The following CACNB4 variants were observed in gnomAD, a reference collection of about 807,000 sequenced individuals.
CACNB4 encodes the protein calcium voltage-gated channel auxiliary subunit beta 4.
In CACNB4, 32 loss-of-function variants were observed where a neutral mutation model predicts 71.2. That is an observed-to-expected ratio of 0.45 (90% confidence interval 0.34 to 0.60). The LOEUF (loss-of-function observed/expected upper bound fraction) is 0.60, where lower values mean the gene tolerates loss of function less well. CACNB4 is among the 20% of genes least tolerant of loss of function. CACNB4 has a pLI of 0.01. For missense variants in CACNB4, 464 were observed against 647.9 expected (o/e 0.72, Z 3.08); for synonymous variants, 231 against 236.9 (o/e 0.97, Z 0.23).
chr2:151,996,434 G>A (rs1238700216), intron 2 of CACNB4, among the ~76,000 whole-genome samples: 3 of 149,794 alleles, frequency 2.0e-5, no homozygotes, highest in African/African-American at 7.4e-5. Context: ...CTGTGATCAC[G>A]CTGCTGCACT....
intron 2 of CACNB4, among the ~76,000 whole-genome samples, chr2:152,023,768 C>T (rs1253657177): frequency 2.6e-5 from 4 of 152,192 alleles, no homozygotes; most frequent in African/African-American, 4.8e-5. Flanking sequence ...TCTGGACTTA[C>T]ATTTTAAATA....
intron 12 of CACNB4, among the ~76,000 whole-genome samples, chr2:151,849,970 C>T (rs78205442): frequency 0.011 from 1,718 of 152,214 alleles, 18 homozygotes; most frequent in Admixed American, 0.02. Context: ...TGCTTTCCTG[C>T]TCGAGAGCAG....
At chr2:151,863,057 GTT>G (rs113313070) in intron 9 of CACNB4, among the ~76,000 whole-genome samples, 1 of 145,350 alleles carries the variant, frequency 6.9e-6, no homozygotes, top group East Asian at 2.0e-4. Flanking sequence ...GGTTTGTGTG[GTT>G]TTTTTTTTTT....
intron 2 of CACNB4, among the ~76,000 whole-genome samples, chr2:151,890,735 C>T (rs1260917593): frequency 6.6e-6 from 1 of 152,098 alleles, no homozygotes; most frequent in African/African-American, 2.4e-5. Context: ...TTTTAAAATG[C>T]CAGTCTGAGA....
intron 5 of CACNB4, 73 bp from the exon 6 acceptor site, chr2:151,872,566 T>A (rs2099844910): frequency 4.9e-6 from 4 of 809,430 alleles, no homozygotes. Context: ...GTACAAAGCT[T>A]TCTTTGGCCC....
chr2:152,004,994 T>C (rs1406827344), intron 2 of CACNB4, among the ~76,000 whole-genome samples: 2 of 152,168 alleles, frequency 1.3e-5, no homozygotes, highest in South Asian at 2.1e-4. Context: ...CCAGTCAGAA[T>C]TGCTATTATT....
chr2:151,909,167 C>T (rs553116264), intron 2 of CACNB4, among the ~76,000 whole-genome samples: 6 of 149,554 alleles, frequency 4.0e-5, no homozygotes, highest in African/African-American at 1.5e-4. Flanking sequence ...CAGTGGCTCA[C>T]GCCTGTATTC....
chr2:151,970,364 G>A (rs914304492), intron 2 of CACNB4: 1 of 152,110 alleles, frequency 6.6e-6, no homozygotes, highest in African/African-American at 2.4e-5. Context: ...GTAGGTTTTT[G>A]GTAACTTTCT....
intron 2 of CACNB4, among the ~76,000 whole-genome samples, chr2:151,885,088 A>G (rs2099849024): frequency 1.3e-5 from 2 of 152,226 alleles, no homozygotes; most frequent in African/African-American, 4.8e-5. Flanking sequence ...TAGCAAGGGT[A>G]GCATAGATTT....
chr2:151,980,262 C>T (rs957813088), intron 2 of CACNB4, among the ~76,000 whole-genome samples: 4 of 152,050 alleles, frequency 2.6e-5, no homozygotes, highest in African/African-American at 9.7e-5. Flanking sequence ...ATCGAAAAAC[C>T]CAAATCCTTA....
rs1560199657 is a variant in CACNB4 at position 152,098,428 on chromosome 2, C to A, written c.64-15G>T. 1.9e-6 allele frequency: 3 copies of A among 1,605,812 alleles called. No individual in the cohort carries two copies. On this transcript the variant is annotated splice_polypyrimidine_tract_variant and intron_variant, in intron 1 of 13. Transcript: ENST00000539935. This position sits in a 1 kb window ranked among gnomAD's most constrained non-coding sequence, Gnocchi z 5.3. ...CCTCGGGCCACCTGGACTCGACACA[C>A]GGGGGCCAGAGAGAAGCCGGTGAGG...
chr2:151,929,010 C>G (rs901508715), intron 2 of CACNB4, among the ~76,000 whole-genome samples: 1 of 152,078 alleles, frequency 6.6e-6, no homozygotes, highest in African/African-American at 2.4e-5. Flanking sequence ...TTTCAGTAAG[C>G]TGGCTTTGGT....
At chr2:151,924,526 T>C (rs1322896744) in intron 2 of CACNB4, among the ~76,000 whole-genome samples, 1 of 151,186 alleles carries the variant, frequency 6.6e-6, no homozygotes, top group East Asian at 2.0e-4. Flanking sequence ...GGACTACAGG[T>C]GTGTGCCATC....
Position 152,087,872 on chromosome 2 carries a change from G to A in CACNB4, c.147+10458C>T, listed in dbSNP as rs576920636. 6.6e-5 allele frequency among the ~76,000 whole-genome samples: 10 copies of A among 151,998 alleles called. No homozygotes were observed. In the East Asian group the frequency reaches 1.5e-3, roughly 24 times the overall value. On this transcript the variant is annotated intron_variant, in intron 2 of 13. Transcript: ENST00000539935. ...TGCACTCCAGCCTGGGTGACAGAGC[G>A]AGACCCTGTCTAAAAAAAGAAAGAG...
intron 9 of CACNB4, chr2:151,865,674 C>T (rs557500773): frequency 6.6e-6 from 1 of 152,276 alleles, no homozygotes; most frequent in South Asian, 2.1e-4. Context: ...CATTGTGTAT[C>T]CACTGTGTCG....
At chr2:151,866,023 G>C (rs1012690445) in intron 9 of CACNB4, 1 of 152,208 alleles carries the variant, frequency 6.6e-6, no homozygotes, top group African/African-American at 2.4e-5. Context: ...GACCTCAGGT[G>C]ATCTGCCCAC....
chr2:151,882,997 T>C, intron 3 of CACNB4: 1 of 459,206 alleles, frequency 2.2e-6, no homozygotes, highest in Admixed American at 3.4e-5. Context: ...GGAGGTTTGA[T>C]ATTGCTAAGT....
chr2:151,990,896 A>G lies in CACNB4; in HGVS notation c.147+107434T>C, dbSNP rs1219330876. ...TCAAAACCTTGCTAATATCTGTTTG[A>G]AAGGTCATTTTAAAATGTTGTCTTC... On this transcript the variant is annotated intron_variant, in intron 2 of 13. Coordinates refer to ENST00000539935, the MANE Select transcript of CACNB4 (RefSeq NM_000726.5). Among the ~76,000 whole-genome samples, 4 of 152,360 alleles carry G rather than the reference A, an allele frequency of 2.6e-5. No individual in the cohort carries two copies. The East Asian group carries it at 7.7e-4, about 29-fold the overall frequency.
chr2:151,976,365 C>T (rs1324778788), intron 2 of CACNB4, among the ~76,000 whole-genome samples: 1 of 152,220 alleles, frequency 6.6e-6, no homozygotes, highest in Non-Finnish European at 1.5e-5. Flanking sequence ...CCTTCCCCCA[C>T]TTCCTCCGTG....
Sources: gnomAD v4.1 joint callset for allele counts (sites outside exome capture counted in the v4.1 genomes callset) on GRCh38, gnomAD v4.1.1 for gene constraint, Gnocchi (gnomAD v3.1) non-coding constraint, MANE v1.5 for transcripts, NCBI Gene and HGNC (gene_info 2026-07-23, HGNC 2026-07-21) for gene names.